ATP2A3: variants seen among roughly 807,000 people sequenced by gnomAD.
The protein encoded by ATP2A3 is ATPase sarcoplasmic/endoplasmic reticulum Ca2+ transporting 3, also known as sarcoplasmic/endoplasmic reticulum calcium ATPase 3.
In ATP2A3, 61 loss-of-function variants were observed where a neutral mutation model predicts 106.8. That is an observed-to-expected ratio of 0.57 (90% CI 0.46 to 0.71). The LOEUF is 0.71. Ranked by LOEUF, ATP2A3 falls within the 30% of genes least tolerant of loss-of-function variation. ATP2A3 has a pLI of 0.00. For synonymous variants in ATP2A3, 611 were observed against 609.3 expected, an observed-to-expected ratio of 1.00 and a Z score of -0.04; for missense variants, 1,201 against 1,423.5, an observed-to-expected ratio of 0.84 and a Z score of 2.52.
At chr17:3,944,903 G>A (rs1310017239) in intron 9 of ATP2A3, 97 bp from the exon 10 acceptor site, 5 of 1,340,316 alleles carry the variant, frequency 3.7e-6, no homozygotes, top group African/African-American at 1.6e-5. Flanking sequence ...CCGCCTCTTG[G>A]CCCCGCCCCC....
chr17:3,939,616 G>A (rs982305358), intron 14 of ATP2A3, among the ~76,000 whole-genome samples: 4 of 151,060 alleles, frequency 2.6e-5, no homozygotes, highest in Non-Finnish European at 5.9e-5. Flanking sequence ...GTGAAACCCC[G>A]TCTCTACTAA....
At position 3,947,338 on chromosome 17, in the gene ATP2A3, G is replaced by A; in HGVS notation, c.1095+53C>T. On this transcript the variant is annotated intron_variant, in intron 8 of 20. Coordinates refer to ENST00000397041, the MANE Select transcript of ATP2A3 (RefSeq NM_005173.4). The surrounding 1 kb of genome is among the most constrained non-coding windows in gnomAD (Gnocchi z 7.7). Reference sequence around the variant, plus strand: ...GGAGGTGGGGGAGAGACCCAGAGAGGGAGCCCAGCCTGCTCTGCAACGCAC... The same window carrying A: ...GGAGGTGGGGGAGAGACCCAGAGAGAGAGCCCAGCCTGCTCTGCAACGCAC... 3 of 1,604,078 alleles carry A rather than the reference G, an allele frequency of 1.9e-6. No homozygotes were observed. Among genetic ancestry groups the A allele is most frequent in the Non-Finnish European group, 2.6e-6 (3 of 1,172,774 alleles).
Position 3,936,247 on chromosome 17 carries a change from A to G in ATP2A3, c.2524+20T>C. 3.7e-6 allele frequency: 6 copies of G among 1,613,364 alleles called. No homozygotes were observed. Among genetic ancestry groups the G allele is most frequent in the Non-Finnish European group, 5.1e-6 (6 of 1,179,788 alleles). The stretch of plus-strand genomic sequence containing the variant: ...CTTAGGAAGCTTAGGAATTCCACGG[A>G]GGGCTCAGGCCCCACTCACCTCCGA... On this transcript the variant is annotated intron_variant, in intron 16 of 20. Coordinates refer to ENST00000397041, the MANE Select transcript of ATP2A3 (RefSeq NM_005173.4). This position sits in a 1 kb window ranked among gnomAD's most constrained non-coding sequence, Gnocchi z 5.4.
At chr17:3,937,391 G>A (rs763297941) in intron 15 of ATP2A3, 25 bp downstream of exon 15, 2 of 1,602,676 alleles carry the variant, frequency 1.2e-6, no homozygotes, top group Non-Finnish European at 1.7e-6. Flanking sequence ...TGAGAGGGCT[G>A]AGAGGAGGGA....
At chr17:3,959,098 A>C (rs1479065804) in intron 1 of ATP2A3, among the ~76,000 whole-genome samples, 1 of 151,854 alleles carries the variant, frequency 6.6e-6, no homozygotes, top group African/African-American at 2.4e-5. Flanking sequence ...AGGTTTCACC[A>C]TGTTGGCCAG....
Position 3,947,760 on chromosome 17 carries a change from G to C in ATP2A3, c.726C>G (p.Val242=). Residue 242 remains valine, a synonymous_variant, in exon 8 of 21, where the codon GTC becomes GTG. Transcript: ENST00000397041. This position sits in a 1 kb window ranked among gnomAD's most constrained non-coding sequence, Gnocchi z 7.7. The part of the protein sequence containing the change: ...LGKIRSQMAA[V]EPERTPLQRK... ...GCTGCAGCGGCGTCCGCTCGGGCTC[G>C]ACTGCCGCCATCTGGCTCCGGATCT... 2 of 1,605,276 alleles carry C rather than the reference G, an allele frequency of 1.2e-6. No individual in the cohort carries two copies. Among genetic ancestry groups the C allele is most frequent in the South Asian group, 1.1e-5 (1 of 91,052 alleles).
rs1405125770 is a variant in ATP2A3 at position 3,951,573 on chromosome 17, C to T, written c.324+8G>A. 1.1e-6 allele frequency: 1 copy of T among 917,368 alleles called. No homozygotes were observed. 56.8% of individuals were successfully genotyped at this position (917,368 alleles called of 1,614,324 possible). On this transcript the variant is annotated splice_region_variant and intron_variant, in intron 4 of 20. Coordinates refer to ENST00000397041, the MANE Select transcript of ATP2A3 (RefSeq NM_005173.4). Reference sequence around the variant, plus strand: ...CCCCCGCCCGGTCCCACCCCCAGTGCCTCCCACCTGCCACACGCCCACAAT... The same window carrying T: ...CCCCCGCCCGGTCCCACCCCCAGTGTCTCCCACCTGCCACACGCCCACAAT...
At chr17:3,927,906 C>T in intron 20 of ATP2A3, 1 of 1,601,316 alleles carries the variant, frequency 6.2e-7, no homozygotes, top group Middle Eastern at 1.7e-4. Context: ...CTGCCCAGCC[C>T]AACCTAGGCC....
chr17:3,936,845 T>G lies in ATP2A3; in HGVS notation c.2322-376A>C. 1 of 355,320 alleles carries G rather than the reference T, an allele frequency of 2.8e-6. No homozygotes were observed. Among genetic ancestry groups the G allele is most frequent in the South Asian group, 2.4e-5 (1 of 41,466 alleles). The allele number at this position is 355,320 out of a possible 1,614,324, so 22.0% of individuals were successfully genotyped here. A position where few individuals can be genotyped will look rare whatever the true frequency, so the allele number is the denominator to read the frequency against. ...CGGCAAACACAAGCAAACACCTACA[T>G]ATCTGCCCTGAGGTGCAGAGATGCA... On this transcript the variant is annotated intron_variant, in intron 15 of 20. Coordinates refer to ENST00000397041, the MANE Select transcript of ATP2A3 (RefSeq NM_005173.4). The surrounding 1 kb of genome is among the most constrained non-coding windows in gnomAD (Gnocchi z 5.4).
Position 3,941,349 on chromosome 17 carries a change from C to T in ATP2A3, c.1765-43G>A, listed in dbSNP as rs112364089. Reference sequence around the variant, plus strand: ...ATTCAAGCGGGGCCTGAGCCCATCCCTGACCTACCACCTGCTCAGCTGCTG... The same window carrying T: ...ATTCAAGCGGGGCCTGAGCCCATCCTTGACCTACCACCTGCTCAGCTGCTG... On this transcript the variant is annotated intron_variant, in intron 13 of 20. Coordinates refer to ENST00000397041, the MANE Select transcript of ATP2A3 (RefSeq NM_005173.4). 1.1e-5 allele frequency: 17 copies of T among 1,613,378 alleles called. 1 individual carries two copies. The African/African-American group carries it at 1.1e-4, about 10-fold the overall frequency.
chr17:3,958,396 A>G (rs1347881529), intron 1 of ATP2A3, among the ~76,000 whole-genome samples: 1 of 152,072 alleles, frequency 6.6e-6, no homozygotes, highest in African/African-American at 2.4e-5. Flanking sequence ...CTCAGTAAAC[A>G]TATGTGATGG....
intron 3 of ATP2A3, 25 bp from the exon 4 acceptor site, chr17:3,951,710 C>G (rs1343634486): frequency 6.3e-7 from 1 of 1,593,214 alleles, no homozygotes; most frequent in African/African-American, 1.3e-5. Context: ...CTGGTGAGCT[C>G]AGGCCCTGCT....
Position 3,928,281 on chromosome 17 carries a change from A to C in ATP2A3, c.2980+382T>G. ...TCCAAGAGGTGGTCAGCGGCTGCCT[A>C]CTCCAGGCCTGCGAGACTGTCCTGA... On this transcript the variant is annotated intron_variant, in intron 20 of 20. Transcript: ENST00000397041. This position sits in a 1 kb window ranked among gnomAD's most constrained non-coding sequence, Gnocchi z 6.1. 6.2e-7 allele frequency: 1 copy of C among 1,613,238 alleles called. No individual in the cohort carries two copies. The highest frequency in any genetic ancestry group is 1.1e-5 in the South Asian group (1 of 91,076).
chr17:3,942,613 A>G lies in ATP2A3; in HGVS notation c.1538T>C (p.Phe513Ser). 6.2e-7 allele frequency: 1 copy of G among 1,611,168 alleles called. No individual in the cohort carries two copies. Among genetic ancestry groups the G allele is most frequent in the Non-Finnish European group, 8.5e-7 (1 of 1,179,670 alleles). ...AGCCAGGCAGGCCCCCACCTTCACA[A>G]ACATCTTGCTGCCCTGGCCAGTAGG... ...PHPTGQGSKM[F>S]VKGAPESVIE... The change falls in exon 12 of 21, where the codon TTT (phenylalanine) becomes TCT (serine). Residue 513 changes from phenylalanine (F) to serine (S), a missense_variant. Physicochemically the swap from Phe to Ser is radical, Grantham distance 155. Around this residue, in one of 2 missense-constraint regions of ATP2A3, gnomAD observed 935 missense variants for 1,176.7 expected, o/e 0.79. Coordinates refer to ENST00000397041, the MANE Select transcript of ATP2A3 (RefSeq NM_005173.4).
intron 14 of ATP2A3, among the ~76,000 whole-genome samples, chr17:3,939,786 T>G: frequency 2.0e-5 from 1 of 50,526 alleles, no homozygotes; most frequent in Admixed American, 2.9e-4. Flanking sequence ...AGACTCTGTC[T>G]AAAAAAAAAA....
Position 3,936,546 on chromosome 17 carries a change from C to G in ATP2A3, c.2322-77G>C. 6.6e-7 allele frequency: 1 copy of G among 1,520,122 alleles called. No individual in the cohort carries two copies. Among genetic ancestry groups the G allele is most frequent in the East Asian group, 2.3e-5 (1 of 44,104 alleles). 94.2% of individuals were successfully genotyped at this position (1,520,122 alleles called of 1,614,324 possible). On this transcript the variant is annotated intron_variant, in intron 15 of 20. Transcript: ENST00000397041. The surrounding 1 kb of genome is among the most constrained non-coding windows in gnomAD (Gnocchi z 5.4). ...GCAGGCTCCAGCTCCTGCTCAGACC[C>G]AAGGCTGGGAGCTCACCCACCCACT...
chr17:3,961,452 G>A (rs575929178), intron 1 of ATP2A3, among the ~76,000 whole-genome samples: 22 of 151,170 alleles, frequency 1.5e-4, no homozygotes, highest in African/African-American at 4.4e-4. Context: ...CCTGGCTAGC[G>A]TGCTCACTGA....
In ATP2A3 at chr17:3,933,093, C is replaced by G. The variant is rs527931756; in HGVS notation, c.2610+2099G>C. On this transcript the variant is annotated intron_variant, in intron 17 of 20. Transcript: ENST00000397041. Reference sequence around the variant, plus strand: ...GGTCAGGAGTTCGAGACCAGCCTGGCCAACATGGTGAAACTCCATCTCTAC... The same window carrying G: ...GGTCAGGAGTTCGAGACCAGCCTGGGCAACATGGTGAAACTCCATCTCTAC... Among the ~76,000 whole-genome samples, 37 of 151,556 alleles carry G rather than the reference C, an allele frequency of 2.4e-4. No homozygotes were observed. The South Asian group carries it at 2.5e-3, about 10-fold the overall frequency.
chr17:3,939,279 T>C (rs1162423659), intron 14 of ATP2A3, among the ~76,000 whole-genome samples: 1 of 152,100 alleles, frequency 6.6e-6, no homozygotes, highest in Non-Finnish European at 1.5e-5. Flanking sequence ...TAGTCAAGCT[T>C]GGTGTGCAGA....
Sources: gnomAD v4.1 joint callset for allele counts (sites outside exome capture counted in the v4.1 genomes callset) on GRCh38, gnomAD v4.1.1 for gene constraint, gnomAD v4.1.1 regional missense constraint, Gnocchi (gnomAD v3.1) non-coding constraint, MANE v1.5 for transcripts, NCBI Gene and HGNC (gene_info 2026-07-23, HGNC 2026-07-21) for gene names.